Variants in APOD observed in about 807,000 individuals in gnomAD.
APOD encodes apolipoprotein D, also known as apo-D.
A neutral mutation model predicts 20.4 loss-of-function variants in APOD; 22 were observed. That is an observed-to-expected ratio of 1.08 (90% CI 0.77 to 1.54). The LOEUF (loss-of-function observed/expected upper bound fraction) is 1.54, where lower values mean the gene tolerates loss of function less well. Ranked by LOEUF, APOD falls within the 40% of genes most tolerant of loss-of-function variation. The pLI is 0.00. For synonymous variants in APOD, 97 were observed against 92.4 expected, an observed-to-expected ratio of 1.05 and a Z score of -0.29; for missense variants, 223 against 229.6, an observed-to-expected ratio of 0.97 and a Z score of 0.19.
intron 1 of APOD, among the ~76,000 whole-genome samples, chr3:195,583,412 A>C (rs1720374577): frequency 6.6e-6 from 1 of 152,238 alleles, no homozygotes; most frequent in Non-Finnish European, 1.5e-5. Context: ...TAGCCATTAA[A>C]TATAACAAGA....
Position 195,569,989 on chromosome 3 carries a change from CAG to C in APOD, c.335-856_335-855del, listed in dbSNP as rs529866699. Among the ~76,000 whole-genome samples, 20 of 151,916 alleles carry C rather than the reference CAG, an allele frequency of 1.3e-4. No homozygotes were observed. In the South Asian group the frequency reaches 4.2e-3, roughly 32 times the overall value. The stretch of plus-strand genomic sequence containing the variant: ...TAATTTTTTGTATCTTTAGTAGAGA[CAG>C]GGTTTCACCATGTCGGCCAGGCTGG... On this transcript the variant is annotated intron_variant, in intron 4 of 4. Coordinates refer to ENST00000343267, the MANE Select transcript of APOD (RefSeq NM_001647.4).
chr3:195,579,544 C>G, intron 1 of APOD, 49 bp from the exon 2 acceptor site: 1 of 1,568,456 alleles, frequency 6.4e-7, no homozygotes, highest in Admixed American at 1.8e-5. Context: ...CCTTCTAAGG[C>G]CACACAATCA....
chr3:195,569,226 C>G (rs1720116689), intron 4 of APOD, 91 bp from the exon 5 acceptor site: 1 of 1,039,414 alleles, frequency 9.6e-7, no homozygotes. Context: ...CAACCACCCA[C>G]CAAGCCCCCC....
intron 2 of APOD, 140 bp downstream of exon 2, chr3:195,579,199 T>C: frequency 7.3e-7 from 1 of 1,377,878 alleles, no homozygotes; most frequent in Non-Finnish European, 9.9e-7. Context: ...AGCAGATGTC[T>C]GCTTTGGGGA....
intron 2 of APOD, among the ~76,000 whole-genome samples, chr3:195,575,984 AAG>A (rs1466863496): frequency 2.6e-5 from 4 of 152,196 alleles, no homozygotes; most frequent in African/African-American, 9.6e-5. Flanking sequence ...AGAACTTGAA[AAG>A]AGAGGATGCT....
At chr3:195,570,623 T>A (rs1560044352) in intron 4 of APOD, 1 of 152,348 alleles carries the variant, frequency 6.6e-6, no homozygotes. Context: ...ACCCTGCAGG[T>A]GGGAAAGGGG....
chr3:195,580,044 G>A (rs908051337), intron 1 of APOD, among the ~76,000 whole-genome samples: 1 of 152,138 alleles, frequency 6.6e-6, no homozygotes, highest in African/African-American at 2.4e-5. Context: ...GCCCAAGAGT[G>A]CGCTTGGAAA....
chr3:195,571,091 C>G, intron 4 of APOD, 186 bp downstream of exon 4: 1 of 628,400 alleles, frequency 1.6e-6, no homozygotes, highest in Non-Finnish European at 2.9e-6. Context: ...AGTACCAAGG[C>G]CAGCTCTGTC....
chr3:195,581,899 G>A (rs1409623033), intron 1 of APOD, among the ~76,000 whole-genome samples: 2 of 152,184 alleles, frequency 1.3e-5, no homozygotes, highest in Non-Finnish European at 2.9e-5. Context: ...GTGATGCCAG[G>A]TGCGGTGGCT....
intron 1 of APOD, chr3:195,583,281 A>G (rs1327733450): frequency 6.6e-6 from 1 of 152,198 alleles, no homozygotes; most frequent in African/African-American, 2.4e-5. Context: ...CCGCGCTCTT[A>G]GTGCCTGGGG....
intron 2 of APOD, among the ~76,000 whole-genome samples, chr3:195,576,116 C>T (rs1720243937): frequency 6.6e-6 from 1 of 152,192 alleles, no homozygotes; most frequent in Non-Finnish European, 1.5e-5. Context: ...CTGAACTTAA[C>T]ATTCATTTAA....
chr3:195,572,329 CT>C (rs2098158187), intron 3 of APOD, among the ~76,000 whole-genome samples: 1 of 152,196 alleles, frequency 6.6e-6, no homozygotes, highest in Admixed American at 6.5e-5. Flanking sequence ...GAAACATTTA[CT>C]TTATCTCAGT....
chr3:195,579,417 G>A lies in APOD; in HGVS notation c.45C>T (p.Phe15=), dbSNP rs757303997. The part of the protein sequence containing the change: ...LLLLSALAGL[F]GAAEGQAFHL... Reference sequence around the variant, plus strand: ...GAAATGCTTGTCCCTCTGCCGCACCGAAGAGGCCAGCCAGTGCGGAAAGCA... The same window carrying A: ...GAAATGCTTGTCCCTCTGCCGCACCAAAGAGGCCAGCCAGTGCGGAAAGCA... Residue 15 remains phenylalanine, a synonymous_variant, in exon 2 of 5, where the codon TTC becomes TTT. Coordinates refer to ENST00000343267, the MANE Select transcript of APOD (RefSeq NM_001647.4). 14 of 1,613,904 alleles carry A rather than the reference G, an allele frequency of 8.7e-6. No homozygotes were observed. The highest frequency in any genetic ancestry group is 4.4e-5 in the South Asian group (4 of 91,092).
chr3:195,573,973 T>C lies in APOD; in HGVS notation c.124-2A>G. On this transcript the variant is annotated splice_acceptor_variant, in intron 2 of 4. Transcript: ENST00000343267. LOFTEE classifies it high-confidence loss of function. The stretch of plus-strand genomic sequence containing the variant: ...AATTTCGTACCATCTTCCGAGATAC[T>C]GCAGAGACAACAAGCAGAGCAAAAC... The C allele has an allele frequency of 1.2e-6, 2 of 1,613,988 alleles. No individual in the cohort carries two copies. The highest frequency in any genetic ancestry group is 1.7e-6 in the Non-Finnish European group (2 of 1,179,898).
chr3:195,578,655 A>T (rs1467678029), intron 2 of APOD, among the ~76,000 whole-genome samples: 2 of 152,182 alleles, frequency 1.3e-5, no homozygotes, highest in African/African-American at 4.8e-5. Flanking sequence ...TGCAGATACC[A>T]AGAAAGCCCC....
At chr3:195,569,786 G>GGTTT (rs1720126677) in intron 4 of APOD, among the ~76,000 whole-genome samples, 5 of 54,044 alleles carry the variant, frequency 9.3e-5, no homozygotes, top group African/African-American at 4.2e-4. Flanking sequence ...CTTCTTCTTC[G>GGTTT]TTTTTTTTTT....
intron 1 of APOD, among the ~76,000 whole-genome samples, 178 bp from the exon 2 acceptor site, chr3:195,579,673 C>T (rs1720302912): frequency 6.6e-6 from 1 of 152,210 alleles, no homozygotes; most frequent in Non-Finnish European, 1.5e-5. Flanking sequence ...TGCTGTGAGG[C>T]CTTCCTCAGA....
chr3:195,582,693 G>A (rs995917700), intron 1 of APOD: 5 of 152,186 alleles, frequency 3.3e-5, no homozygotes, highest in African/African-American at 1.2e-4. Context: ...AGTAAGCCAA[G>A]ATCACACCAT....
chr3:195,579,259 A>G (rs959434181), intron 2 of APOD, 80 bp downstream of exon 2: 6 of 1,577,044 alleles, frequency 3.8e-6, no homozygotes, highest in Non-Finnish European at 5.2e-6. Context: ...TGGAAATTAA[A>G]GCAGCATAAT....
Sources: allele counts gnomAD v4.1 joint callset (sites outside exome capture counted in the v4.1 genomes callset), GRCh38; gene constraint gnomAD v4.1.1; transcripts MANE v1.5; gene names NCBI Gene and HGNC (gene_info 2026-07-23, HGNC 2026-07-21).